The following RANBP2 variants were observed in gnomAD, a reference collection of about 807,000 sequenced individuals.
RANBP2 encodes the protein E3 SUMO-protein ligase RanBP2.
A neutral mutation model predicts 303.6 loss-of-function variants in RANBP2; 57 were observed. The ratio of observed to expected loss-of-function variants is 0.19; its 90% CI spans 0.15 to 0.23. RANBP2 has a LOEUF of 0.23. Ranked by LOEUF, RANBP2 falls within the 10% of genes least tolerant of loss-of-function variation. RANBP2 has a pLI of 1.00. For missense variants in RANBP2, 3,138 were observed against 3,780.8 expected, an observed-to-expected ratio of 0.83 and a Z score of 4.46; for synonymous variants, 1,167 against 1,301.5, an observed-to-expected ratio of 0.90 and a Z score of 2.23.
At chr2:109,237,338 T>A in the RANBP2 span, among the ~76,000 whole-genome samples, 33 of 152,058 alleles carry the variant, frequency 2.2e-4, no homozygotes, top group Admixed American at 2.6e-4. Flanking sequence ...ATCAAAGAGG[T>A]ACACATTGAA....
the RANBP2 span, among the ~76,000 whole-genome samples, chr2:108,902,173 G>A: frequency 6.6e-6 from 1 of 151,364 alleles, no homozygotes; most frequent in Non-Finnish European, 1.5e-5. Context: ...GGGAGGTGGA[G>A]GTTGCCAGCC....
chr2:108,973,205 G>A, the RANBP2 span, among the ~76,000 whole-genome samples: 1 of 152,140 alleles, frequency 6.6e-6, no homozygotes, highest in Non-Finnish European at 1.5e-5. Context: ...CCAGGCTGGT[G>A]TTGAACTCCT....
chr2:108,786,495 G>A (rs554416286), downstream of RANBP2, among the ~76,000 whole-genome samples: 1 of 152,208 alleles, frequency 6.6e-6, no homozygotes, highest in African/African-American at 2.4e-5. Context: ...AAACTTAACA[G>A]GTTAAATGGA....
chr2:109,603,624 T>A, the RANBP2 span, among the ~76,000 whole-genome samples: 1 of 152,246 alleles, frequency 6.6e-6, no homozygotes, highest in South Asian at 2.1e-4. Flanking sequence ...TAAATCAATA[T>A]CCTTGCAATT....
At chr2:109,517,784 G>T in the RANBP2 span, among the ~76,000 whole-genome samples, 1 of 152,230 alleles carries the variant, frequency 6.6e-6, no homozygotes, top group Non-Finnish European at 1.5e-5. Flanking sequence ...GCTGTCGAGA[G>T]CCTGGAGCAC....
At chr2:109,732,676 G>T in the RANBP2 span, 3 of 567,774 alleles carry the variant, frequency 5.3e-6, no homozygotes, top group South Asian at 2.8e-5. Flanking sequence ...CATCATGTTG[G>T]CCAGGCTGGT....
At chr2:109,041,954 TAAAC>T in the RANBP2 span, among the ~76,000 whole-genome samples, 1 of 152,204 alleles carries the variant, frequency 6.6e-6, no homozygotes, top group African/African-American at 2.4e-5. Context: ...TTTGTAATGT[TAAAC>T]AAATTTTGCA....
chr2:108,764,973 A>G lies in RANBP2; in HGVS notation c.4434A>G (p.Thr1478=). The change falls in exon 20 of 29, where the codon ACA becomes ACG. Residue 1478 remains threonine (T), a synonymous_variant. Coordinates refer to ENST00000283195, the MANE Select transcript of RANBP2 (RefSeq NM_006267.5). ...GTGATTTCAGATCTGTTTTTTCTAC[A>G]AAGGAAGGACAGTGGGATTGCAGTG... ...INSDFRSVFS[T]KEGQWDCSAC... 3 of 1,614,084 alleles carry G rather than the reference A, an allele frequency of 1.9e-6. No individual in the cohort carries two copies. Among genetic ancestry groups the G allele is most frequent in the Non-Finnish European group, 2.5e-6 (3 of 1,179,976 alleles).
the RANBP2 span, among the ~76,000 whole-genome samples, chr2:109,601,714 C>T: frequency 5.3e-5 from 8 of 151,656 alleles, no homozygotes; most frequent in South Asian, 1.0e-3. Context: ...TTTTTCTTTA[C>T]GGCTTCTTCC....
the RANBP2 span, among the ~76,000 whole-genome samples, chr2:109,649,995 AG>A: frequency 1.3e-5 from 2 of 152,372 alleles, no homozygotes; most frequent in East Asian, 3.9e-4. Flanking sequence ...TGATAATTCC[AG>A]GCTGCAATGA....
At chr2:109,298,695 G>C in the RANBP2 span, among the ~76,000 whole-genome samples, 2,488 of 152,110 alleles carry the variant, frequency 0.016, 86 homozygotes, top group African/African-American at 0.057. Flanking sequence ...TGTGGGTCCA[G>C]GTCCGTTTCC....
the RANBP2 span, among the ~76,000 whole-genome samples, chr2:109,165,791 G>A: frequency 6.6e-6 from 1 of 152,136 alleles, no homozygotes; most frequent in Admixed American, 6.5e-5. Context: ...CATTTAGCAT[G>A]AGTGTGTTAA....
At chr2:109,040,438 T>C in the RANBP2 span, among the ~76,000 whole-genome samples, 1 of 152,218 alleles carries the variant, frequency 6.6e-6, no homozygotes, top group South Asian at 2.1e-4. Flanking sequence ...TCGACTCTGC[T>C]GGACAATTTG....
chr2:109,570,925 T>C, the RANBP2 span, among the ~76,000 whole-genome samples: 1 of 152,180 alleles, frequency 6.6e-6, no homozygotes, highest in Non-Finnish European at 1.5e-5. Context: ...GGCGACATGG[T>C]TTGGATTTGT....
At chr2:108,768,637 TCGGTAC>T (rs1188478177) in intron 20 of RANBP2, among the ~76,000 whole-genome samples, 24 of 152,328 alleles carry the variant, frequency 1.6e-4, no homozygotes, top group African/African-American at 5.1e-4. Flanking sequence ...GCAAAAGAAC[TCGGTAC>T]GGTATACGGA....
At chr2:109,626,477 A>G in the RANBP2 span, among the ~76,000 whole-genome samples, 8,896 of 145,144 alleles carry the variant, frequency 0.061, 339 homozygotes, top group African/African-American at 0.11. Context: ...TCAAAACGAA[A>G]AACAAAACAA....
At chr2:109,006,787 A>T in the RANBP2 span, among the ~76,000 whole-genome samples, 1 of 152,354 alleles carries the variant, frequency 6.6e-6, no homozygotes, top group Middle Eastern at 3.4e-3. Flanking sequence ...CCCGTCCTCC[A>T]AGCATTGGGT....
At chr2:108,844,936 C>T in the RANBP2 span, among the ~76,000 whole-genome samples, 2 of 151,904 alleles carry the variant, frequency 1.3e-5, no homozygotes, top group Non-Finnish European at 2.9e-5. Flanking sequence ...TTAGTAGAGA[C>T]GGGGTTTCAC....
the RANBP2 span, among the ~76,000 whole-genome samples, chr2:109,690,995 G>A: frequency 6.6e-6 from 1 of 152,116 alleles, no homozygotes; most frequent in Admixed American, 6.6e-5. Flanking sequence ...CAGTTCTGCA[G>A]GTTTGACAAT....
Sources: gnomAD v4.1 joint callset for allele counts (sites outside exome capture counted in the v4.1 genomes callset) on GRCh38, gnomAD v4.1.1 for gene constraint, MANE v1.5 for transcripts, NCBI Gene and HGNC (gene_info 2026-07-23, HGNC 2026-07-21) for gene names.